Variants in CFAP54 observed in about 807,000 individuals in gnomAD.
CFAP54 encodes the protein cilia- and flagella-associated protein 54.
CFAP54 carries 290 observed loss-of-function variants against 370.4 expected under a neutral mutation model. The ratio of observed to expected loss-of-function variants is 0.78; its 90% confidence interval spans 0.71 to 0.86. The LOEUF is 0.86. CFAP54 is among the 40% of genes least tolerant of loss of function. The pLI is 0.00. For synonymous variants in CFAP54, 1,206 were observed against 1,236.5 expected (o/e 0.98, Z 0.52); for missense variants, 3,399 against 3,528.7 (o/e 0.96, Z 0.93).
At chr12:96,738,951 C>T (rs952716354) in intron 50 of CFAP54, among the ~76,000 whole-genome samples, 2 of 152,276 alleles carry the variant, frequency 1.3e-5, no homozygotes, top group Middle Eastern at 6.8e-3. Context: ...TATTGGATTA[C>T]GACCCAGCCT....
At position 96,590,622 on chromosome 12, in the gene CFAP54, G is replaced by A. The variant is rs553203895; in HGVS notation, c.3212+1059G>A. ...TGTACAAGGATGCTATGTGCTATGG[G>A]GGTATGGGTTTCAGAGGCATTTTAG... On this transcript the variant is annotated intron_variant, in intron 23 of 67. Transcript: ENST00000524981. Among the ~76,000 whole-genome samples the A allele has an allele frequency of 5.9e-5, 9 of 152,318 alleles. 1 individual carries two copies. The East Asian group carries it at 1.3e-3, about 23-fold the overall frequency.
At chr12:96,578,642 G>A (rs1009964493) in intron 20 of CFAP54, among the ~76,000 whole-genome samples, 27 of 152,134 alleles carry the variant, frequency 1.8e-4, no homozygotes, top group African/African-American at 6.3e-4. Flanking sequence ...CAATGAGGAC[G>A]TTATAGGAAG....
At chr12:96,664,717 ATATATATCTATATATATATATC>A (rs1565934259) in intron 39 of CFAP54, among the ~76,000 whole-genome samples, 17 of 7,258 alleles carry the variant, frequency 2.3e-3, no homozygotes, top group South Asian at 8.4e-3. Context: ...ATATATATCT[ATATATATCTATATATATATATC>A]TATATATATA....
At chr12:96,806,733 T>G (rs1958886816) in intron 63 of CFAP54, among the ~76,000 whole-genome samples, 1 of 152,164 alleles carries the variant, frequency 6.6e-6, no homozygotes. Flanking sequence ...CTCTGGATTT[T>G]GGGCCAGGTT....
At chr12:96,499,555 G>GT (rs1430673947) in intron 1 of CFAP54, among the ~76,000 whole-genome samples, 5 of 152,128 alleles carry the variant, frequency 3.3e-5, no homozygotes, top group Admixed American at 2.0e-4. Flanking sequence ...AGGACAGGTG[G>GT]TTTTTTACAA....
intron 17 of CFAP54, among the ~76,000 whole-genome samples, chr12:96,560,385 A>G (rs946180506): frequency 9.2e-5 from 14 of 152,148 alleles, no homozygotes; most frequent in Non-Finnish European, 1.5e-5. Flanking sequence ...TCTATTATGC[A>G]TCTAATTTTC....
intron 65 of CFAP54, among the ~76,000 whole-genome samples, chr12:96,828,782 A>G (rs543744439): frequency 1.4e-4 from 21 of 152,290 alleles, no homozygotes; most frequent in Admixed American, 6.5e-4. Flanking sequence ...ATTTTTCAAA[A>G]TCTTATTTAG....
At chr12:96,541,309 G>A (rs1440230051) in intron 14 of CFAP54, among the ~76,000 whole-genome samples, 11 of 134,530 alleles carry the variant, frequency 8.2e-5, no homozygotes, top group East Asian at 7.0e-4. Flanking sequence ...TTTTTGAGAC[G>A]GAGTTTTGCT....
chr12:96,670,589 C>T (rs182058069), intron 39 of CFAP54, among the ~76,000 whole-genome samples: 71 of 152,182 alleles, frequency 4.7e-4, no homozygotes, highest in Middle Eastern at 3.4e-3. Flanking sequence ...TGTGTGAAGG[C>T]CCTAATGACT....
intron 4 of CFAP54, among the ~76,000 whole-genome samples, chr12:96,509,806 T>G (rs10860048): frequency 0.43 from 62,552 of 146,898 alleles, 13,513 homozygotes; most frequent in South Asian, 0.47. Flanking sequence ...ACAGAGCAAG[T>G]CTCCATCTCA....
chr12:96,644,407 A>G lies in CFAP54; in HGVS notation c.4546A>G (p.Ser1516Gly). 2.0e-6 allele frequency: 3 copies of G among 1,519,920 alleles called. No individual in the cohort carries two copies. Among genetic ancestry groups the G allele is most frequent in the Non-Finnish European group, 2.6e-6 (3 of 1,132,208 alleles). The allele number at this position is 1,519,920 out of a possible 1,614,324, so 94.2% of individuals were successfully genotyped here. Residue 1516 changes from serine (S) to glycine (G), a missense_variant and splice_region_variant, in exon 33 of 68, where the codon AGT becomes GGT. Transcript: ENST00000524981. Reference sequence around the variant, plus strand: ...ATTTGGCACATCACATATGATGGTCAGGTATAGTATATTACTGATGAAAAA... The same window carrying G: ...ATTTGGCACATCACATATGATGGTCGGGTATAGTATATTACTGATGAAAAA... ...MKFGTSHMMVSFRSCDPNMFS... is the reference protein window; with the variant it reads ...MKFGTSHMMVGFRSCDPNMFS...
chr12:96,771,583 C>T (rs895377844), intron 60 of CFAP54, among the ~76,000 whole-genome samples: 4 of 152,080 alleles, frequency 2.6e-5, no homozygotes, highest in Non-Finnish European at 5.9e-5. Context: ...ACCCGGGAGG[C>T]GGAGCTTGCA....
intron 22 of CFAP54, among the ~76,000 whole-genome samples, chr12:96,581,800 G>C (rs1956035469): frequency 6.6e-6 from 1 of 151,896 alleles, no homozygotes; most frequent in Non-Finnish European, 1.5e-5. Flanking sequence ...TGACATTGCT[G>C]TATTCCATTA....
At chr12:96,497,888 G>A (rs1954975194) in intron 1 of CFAP54, among the ~76,000 whole-genome samples, 1 of 152,190 alleles carries the variant, frequency 6.6e-6, no homozygotes, top group African/African-American at 2.4e-5. Context: ...AAGATAGTGT[G>A]TTCATCTTCC....
At chr12:96,699,538 T>G (rs1009572014) in intron 45 of CFAP54, among the ~76,000 whole-genome samples, 1 of 152,204 alleles carries the variant, frequency 6.6e-6, no homozygotes, top group African/African-American at 2.4e-5. Context: ...GTTGATACAT[T>G]GTGGAGTTAG....
Position 96,753,805 on chromosome 12 carries a change from C to T in CFAP54, c.7747C>T (p.Pro2583Ser), listed in dbSNP as rs1280130103. Residue 2583 changes from proline to serine, a missense_variant, in exon 56 of 68, where the codon CCT (proline) becomes TCT (serine). By Grantham distance (74) the Pro-to-Ser change is moderately conservative. Transcript: ENST00000524981. ...NKRKDPSKWL[P>S]ALHLFDVALK... Reference sequence around the variant, plus strand: ...AAGGAAGGACCCCTCGAAGTGGTTACCTGCTCTTCATCTGTTTGATGTGGC... The same window carrying T: ...AAGGAAGGACCCCTCGAAGTGGTTATCTGCTCTTCATCTGTTTGATGTGGC... The T allele has an allele frequency of 6.2e-7, 1 of 1,613,976 alleles. No individual in the cohort carries two copies. The highest frequency in any genetic ancestry group is 8.5e-7 in the Non-Finnish European group (1 of 1,179,944).
intron 26 of CFAP54, among the ~76,000 whole-genome samples, chr12:96,614,293 G>A (rs191824310): frequency 4.6e-5 from 7 of 152,212 alleles, no homozygotes; most frequent in African/African-American, 1.2e-4. Flanking sequence ...TGCAGAAAAG[G>A]CCTTTGACAA....
intron 65 of CFAP54, among the ~76,000 whole-genome samples, chr12:96,826,869 TATG>T (rs1565993833): frequency 1.7e-5 from 2 of 117,210 alleles, no homozygotes; most frequent in African/African-American, 3.3e-5. Flanking sequence ...TATATAATAT[TATG>T]ATATATTATA....
At position 96,845,339 on chromosome 12, in the gene CFAP54, G is replaced by A. The variant is rs573933151; in HGVS notation, c.9172-15480G>A. ...TATAACCACTAAATTAAATCTTCAT[G>A]CCTGTCGTGGCTCCTGCATTGAGCC... On this transcript the variant is annotated intron_variant, in intron 66 of 67. Transcript: ENST00000524981. Among the ~76,000 whole-genome samples, 10 of 152,238 alleles carry A rather than the reference G, an allele frequency of 6.6e-5. No individual in the cohort carries two copies. The South Asian group carries it at 2.1e-3, about 32-fold the overall frequency.
Sources: allele counts gnomAD v4.1 joint callset (sites outside exome capture counted in the v4.1 genomes callset), GRCh38; gene constraint gnomAD v4.1.1; transcripts MANE v1.5; gene names NCBI Gene and HGNC (gene_info 2026-07-23, HGNC 2026-07-21).